GEMIN5: variants seen among roughly 807,000 people sequenced by gnomAD.
GEMIN5 encodes gem nuclear organelle associated protein 5.
GEMIN5 carries 124 observed loss-of-function variants against 176.9 expected under a neutral mutation model. That is an observed-to-expected ratio of 0.70 (90% CI 0.61 to 0.81). The LOEUF (loss-of-function observed/expected upper bound fraction) is 0.81, where lower values mean the gene tolerates loss of function less well. Ranked by LOEUF, GEMIN5 falls within the 40% of genes least tolerant of loss-of-function variation. GEMIN5 has a pLI of 0.00. For missense variants in GEMIN5, 1,843 were observed against 1,814.6 expected (o/e 1.02, Z -0.28); for synonymous variants, 673 against 665.2 (o/e 1.01, Z -0.18).
chr5:154,919,441 G>C (rs1333200880), intron 11 of GEMIN5, among the ~76,000 whole-genome samples: 1 of 152,208 alleles, frequency 6.6e-6, no homozygotes, highest in South Asian at 2.1e-4. Context: ...GTAATTAAAT[G>C]TGGGAATCTG....
chr5:154,915,186 CT>C (rs1191055960), intron 13 of GEMIN5, among the ~76,000 whole-genome samples: 2 of 152,144 alleles, frequency 1.3e-5, no homozygotes, highest in East Asian at 1.9e-4. Flanking sequence ...CATTTTAATA[CT>C]TTTTCCATAT....
In GEMIN5 at chr5:154,898,527, G is replaced by A. The variant is rs752209577; in HGVS notation, c.3258C>T (p.Ser1086=). The change falls in exon 23 of 28, where the codon TCC becomes TCT. Residue 1086 remains serine, a synonymous_variant. Transcript: ENST00000285873. The stretch of plus-strand genomic sequence containing the variant: ...GCTCTTGGGCACATCTGAGAGCCAG[G>A]GAAGCAGACAACTCATCCTCTCCTA... ...AIVGEDELSA[S]LALRCAQELL... 3.1e-6 allele frequency: 5 copies of A among 1,614,006 alleles called. No individual in the cohort carries two copies. The highest frequency in any genetic ancestry group is 4.2e-6 in the Non-Finnish European group (5 of 1,179,994).
At chr5:154,888,958 C>T (rs572669050) in intron 27 of GEMIN5, among the ~76,000 whole-genome samples, 52 of 151,960 alleles carry the variant, frequency 3.4e-4, no homozygotes, top group Non-Finnish European at 5.7e-4. Context: ...CCTGAGTTCA[C>T]GCCATTCTCC....
chr5:154,928,747 G>C, intron 5 of GEMIN5, 88 bp from the exon 6 acceptor site: 1 of 1,162,194 alleles, frequency 8.6e-7, no homozygotes, highest in Admixed American at 1.9e-5. Flanking sequence ...CACAGTCTGC[G>C]CTGTAAAAGC....
intron 23 of GEMIN5, among the ~76,000 whole-genome samples, chr5:154,897,654 T>C (rs2113461514): frequency 6.6e-6 from 1 of 152,254 alleles, no homozygotes; most frequent in Non-Finnish European, 1.5e-5. Flanking sequence ...GCCTGGCTAA[T>C]TTTTTTATTT....
At chr5:154,889,499 AATGTAT>A in intron 26 of GEMIN5, 82 bp from the exon 27 acceptor site, 4 of 730,554 alleles carry the variant, frequency 5.5e-6, no homozygotes, top group Non-Finnish European at 9.6e-6. Context: ...ACTGTGGTAA[AATGTAT>A]ATAACATAAA....
chr5:154,896,228 C>A lies in GEMIN5; in HGVS notation c.3461G>T (p.Gly1154Val). The change falls in exon 24 of 28, where the codon GGG becomes GTG. Residue 1154 changes from glycine (G) to valine (V), a missense_variant. Transcript: ENST00000285873. ...TGCAGTCACCCTCTCCACGAAAGGC[C>A]CTTCGGTGCCCGTGTTCCAAGTGTG... The part of the protein sequence containing the change: ...SYHTWNTGTE[G>V]PFVERVTAVW... 6.2e-7 allele frequency: 1 copy of A among 1,613,728 alleles called. No individual in the cohort carries two copies. Among genetic ancestry groups the A allele is most frequent in the Non-Finnish European group, 8.5e-7 (1 of 1,179,868 alleles).
intron 4 of GEMIN5, 43 bp from the exon 5 acceptor site, chr5:154,931,620 A>T (rs1764166217): frequency 4.6e-6 from 7 of 1,522,620 alleles, no homozygotes; most frequent in East Asian, 2.3e-5. Flanking sequence ...TACATTAAAC[A>T]CGCACTAATA....
chr5:154,933,399 A>G (rs1764205158), intron 3 of GEMIN5, among the ~76,000 whole-genome samples: 1 of 152,182 alleles, frequency 6.6e-6, no homozygotes. Flanking sequence ...CTGGCCAGTC[A>G]TTACACTATT....
At chr5:154,918,995 C>T (rs576936176) in intron 11 of GEMIN5, among the ~76,000 whole-genome samples, 7 of 152,142 alleles carry the variant, frequency 4.6e-5, no homozygotes, top group Admixed American at 2.6e-4. Flanking sequence ...GAGCTGAGAT[C>T]GCACCACCGC....
chr5:154,935,775 T>C, intron 3 of GEMIN5, 66 bp downstream of exon 3: 1 of 1,135,622 alleles, frequency 8.8e-7, no homozygotes, highest in Non-Finnish European at 1.3e-6. Flanking sequence ...ACAGAGAAGG[T>C]AAAGAAAATG....
chr5:154,899,157 A>G, intron 22 of GEMIN5, 34 bp downstream of exon 22: 2 of 1,583,238 alleles, frequency 1.3e-6, no homozygotes, highest in South Asian at 1.2e-5. Context: ...AAGCTCTCCT[A>G]TGTTGGAAGC....
At chr5:154,911,004 T>A (rs774672084) in intron 15 of GEMIN5, among the ~76,000 whole-genome samples, 9 of 151,966 alleles carry the variant, frequency 5.9e-5, no homozygotes, top group Admixed American at 2.0e-4. Flanking sequence ...GGCCTCCTCT[T>A]ACTTATGTTT....
chr5:154,888,509 A>ATAG, intron 27 of GEMIN5, 132 bp from the exon 28 acceptor site: 1 of 665,512 alleles, frequency 1.5e-6, no homozygotes, highest in Non-Finnish European at 2.6e-6. Context: ...GCTGTCTCCT[A>ATAG]AGGCAATGTC....
At chr5:154,908,242 G>A (rs1378585208) in intron 15 of GEMIN5, among the ~76,000 whole-genome samples, 6 of 146,154 alleles carry the variant, frequency 4.1e-5, no homozygotes, top group Admixed American at 1.4e-4. Flanking sequence ...GTGCAATGGC[G>A]AGATCTCAGC....
At position 154,898,531 on chromosome 5, in the gene GEMIN5, G is replaced by A. The variant is rs778296913; in HGVS notation, c.3254C>T (p.Ala1085Val). 1.9e-6 allele frequency: 3 copies of A among 1,614,180 alleles called. No individual in the cohort carries two copies. Among genetic ancestry groups the A allele is most frequent in the South Asian group, 2.2e-5 (2 of 91,086 alleles). ...AAIVGEDELS[A>V]SLALRCAQEL... ...TTGGGCACATCTGAGAGCCAGGGAA[G>A]CAGACAACTCATCCTCTCCTACGAT... The change falls in exon 23 of 28, where the codon GCT (alanine) becomes GTT (valine). Residue 1085 changes from alanine (A) to valine (V), a missense_variant. Transcript: ENST00000285873.
intron 22 of GEMIN5, among the ~76,000 whole-genome samples, chr5:154,898,940 G>C (rs1439306276): frequency 5.9e-5 from 9 of 152,124 alleles, no homozygotes; most frequent in African/African-American, 2.2e-4. Context: ...TGTTATAAGA[G>C]ACCATTAGAA....
chr5:154,911,541 G>A (rs1048219186), intron 15 of GEMIN5, among the ~76,000 whole-genome samples, 186 bp downstream of exon 15: 3 of 152,090 alleles, frequency 2.0e-5, no homozygotes, highest in African/African-American at 7.2e-5. Context: ...TGAGTGCTAG[G>A]TATGCTCTTT....
intron 9 of GEMIN5, among the ~76,000 whole-genome samples, chr5:154,923,311 C>T (rs1271294679): frequency 6.6e-6 from 1 of 151,740 alleles, no homozygotes; most frequent in Non-Finnish European, 1.5e-5. Flanking sequence ...ACCCAGAAGG[C>T]GAAGGTTTTG....
Sources: gnomAD v4.1 joint callset for allele counts (sites outside exome capture counted in the v4.1 genomes callset) on GRCh38, gnomAD v4.1.1 for gene constraint, MANE v1.5 for transcripts, NCBI Gene and HGNC (gene_info 2026-07-23, HGNC 2026-07-21) for gene names.